CNGB1: variants seen among roughly 807,000 people sequenced by gnomAD.
CNGB1 encodes the protein cyclic nucleotide-gated channel beta-1.
A neutral mutation model predicts 151.7 loss-of-function variants in CNGB1; 126 were observed. That is an observed-to-expected ratio of 0.83 (90% CI 0.72 to 0.96). The LOEUF (loss-of-function observed/expected upper bound fraction) is 0.96. Ranked by LOEUF, CNGB1 falls within the 40% of genes least tolerant of loss-of-function variation. CNGB1 has a pLI of 0.00. For missense variants in CNGB1, 1,698 were observed against 1,627.0 expected (o/e 1.04, Z -0.75); for synonymous variants, 623 against 635.1 (o/e 0.98, Z 0.29).
intron 23 of CNGB1, among the ~76,000 whole-genome samples, chr16:57,914,408 A>T (rs1960807995): frequency 6.6e-6 from 1 of 152,208 alleles, no homozygotes; most frequent in Non-Finnish European, 1.5e-5. Flanking sequence ...GATTCCACAT[A>T]GGTGTGCTTT....
chr16:57,884,110 G>C lies in CNGB1; in HGVS notation c.*54C>G. The C allele has an allele frequency of 3.7e-6, 6 of 1,610,456 alleles. No individual in the cohort carries two copies. The highest frequency in any genetic ancestry group is 5.1e-6 in the Non-Finnish European group (6 of 1,176,986). ...GGGCGCTGGGGCGCAGGGGCGCAGC[G>C]GGCGCTGGGGACACACCTGCTGGAA... On this transcript the variant is annotated 3_prime_UTR_variant, in exon 33 of 33. Coordinates refer to ENST00000251102, the MANE Select transcript of CNGB1 (RefSeq NM_001297.5).
intron 14 of CNGB1, among the ~76,000 whole-genome samples, chr16:57,942,787 T>C (rs1332577416): frequency 1.3e-5 from 2 of 149,930 alleles, no homozygotes; most frequent in South Asian, 2.1e-4. Context: ...TGCTTGAGCC[T>C]GGGAGGTGGA....
intron 25 of CNGB1, among the ~76,000 whole-genome samples, chr16:57,907,809 A>G (rs971116632): frequency 6.6e-6 from 1 of 152,200 alleles, no homozygotes; most frequent in Non-Finnish European, 1.5e-5. Context: ...GTGGGGAAGC[A>G]TTAGATCTTG....
chr16:57,894,608 A>G (rs1960175102), intron 31 of CNGB1, among the ~76,000 whole-genome samples: 1 of 152,198 alleles, frequency 6.6e-6, no homozygotes, highest in Non-Finnish European at 1.5e-5. Context: ...CTCAAAAAAG[A>G]AAAAAAGAAA....
intron 12 of CNGB1, chr16:57,954,758 G>T (rs1450765722): frequency 1.0e-6 from 1 of 969,682 alleles, no homozygotes; most frequent in East Asian, 1.1e-4. Context: ...TGGAAGGAGA[G>T]AGTGTGGCCA....
intron 31 of CNGB1, among the ~76,000 whole-genome samples, chr16:57,896,195 T>G (rs1435434594): frequency 8.5e-5 from 13 of 152,176 alleles, no homozygotes; most frequent in African/African-American, 3.1e-4. Flanking sequence ...CACTAATTAC[T>G]TAGGAATTAG....
At chr16:57,896,493 T>G (rs1960229234) in intron 31 of CNGB1, among the ~76,000 whole-genome samples, 2 of 151,626 alleles carry the variant, frequency 1.3e-5, no homozygotes, top group African/African-American at 4.9e-5. Context: ...GGGGGGTGGA[T>G]CACGATGTCA....
chr16:57,911,838 G>T lies in CNGB1; in HGVS notation c.2407C>A (p.His803Asn). 6.2e-7 allele frequency: 1 copy of T among 1,614,038 alleles called. No individual in the cohort carries two copies. Among genetic ancestry groups the T allele is most frequent in the Non-Finnish European group, 8.5e-7 (1 of 1,179,924 alleles). The change falls in exon 25 of 33, where the codon CAT becomes AAT. Residue 803 changes from histidine to asparagine, a missense_variant. By Grantham distance (68) the His-to-Asn change is moderately conservative. Coordinates refer to ENST00000251102, the MANE Select transcript of CNGB1 (RefSeq NM_001297.5). ...CAGTAATAAAGACAGGAATTCAAATGCAGGCTGTAGAGAAGGTAGGCTGTG... is the reference window on the plus strand; with the variant it reads ...CAGTAATAAAGACAGGAATTCAAATTCAGGCTGTAGAGAAGGTAGGCTGTG... Reference protein sequence around the residue: ...RTTAYLLYSLHLNSCLYYWAS... With the variant: ...RTTAYLLYSLNLNSCLYYWAS...
chr16:57,920,864 A>G (rs549031768), intron 18 of CNGB1, among the ~76,000 whole-genome samples: 11 of 152,310 alleles, frequency 7.2e-5, no homozygotes, highest in Non-Finnish European at 1.3e-4. Context: ...CTCAGTTTAG[A>G]GTTCAGCAAA....
rs1961310761 is a variant in CNGB1 at position 57,930,334 on chromosome 16, C to T, written c.1535+1382G>A. 2.6e-5 allele frequency among the ~76,000 whole-genome samples: 4 copies of T among 151,858 alleles called. No homozygotes were observed. The South Asian group carries it at 8.3e-4, about 32-fold the overall frequency. ...GCAACAAACTAAGACCCCATCTCTA[C>T]AAAAAATAAAAAATTAGCTGGGTGG... On this transcript the variant is annotated intron_variant, in intron 17 of 32. Transcript: ENST00000251102.
In CNGB1 at chr16:57,940,318, C is replaced by T. The variant is rs757074892; in HGVS notation, c.1125G>A (p.Val375=). ...EEEEEEEVTE[V]LLDSCVVSQV... ...GCGACACCACACAGCTATCCAGCAG[C>T]ACCCTGTGACCCGGGGCGGGGTGGG... Residue 375 remains valine, a synonymous_variant, in exon 15 of 33, where the codon GTG becomes GTA. Coordinates refer to ENST00000251102, the MANE Select transcript of CNGB1 (RefSeq NM_001297.5). The T allele has an allele frequency of 1.3e-4, 207 of 1,579,578 alleles. 1 individual carries two copies. In the South Asian group the frequency reaches 2.4e-3, roughly 18 times the overall value.
At chr16:57,943,918 C>T (rs149409016) in intron 14 of CNGB1, among the ~76,000 whole-genome samples, 11 of 151,888 alleles carry the variant, frequency 7.2e-5, no homozygotes, top group African/African-American at 1.4e-4. Context: ...GACAGAGTCT[C>T]GCTGTGTTGC....
intron 18 of CNGB1, among the ~76,000 whole-genome samples, chr16:57,922,097 C>T (rs1244716714): frequency 3.9e-5 from 6 of 152,186 alleles, no homozygotes; most frequent in African/African-American, 1.2e-4. Flanking sequence ...GGCAACTGGA[C>T]TGAGGGTGGG....
chr16:57,919,331 G>T, intron 19 of CNGB1, 77 bp from the exon 20 acceptor site: 1 of 1,610,870 alleles, frequency 6.2e-7, no homozygotes, highest in Non-Finnish European at 8.5e-7. Flanking sequence ...GGTCCCAACT[G>T]CAGACCTTGG....
At chr16:57,945,867 A>T (rs1961793700) in intron 14 of CNGB1, among the ~76,000 whole-genome samples, 1 of 152,254 alleles carries the variant, frequency 6.6e-6, no homozygotes, top group African/African-American at 2.4e-5. Context: ...TTAATCCCAG[A>T]GGAGGCGGTG....
At chr16:57,957,491 T>G (rs1251998903) in intron 11 of CNGB1, 114 bp from the exon 12 acceptor site, 2 of 853,182 alleles carry the variant, frequency 2.3e-6, no homozygotes, top group African/African-American at 1.6e-5. Flanking sequence ...GCCTTAGTTG[T>G]CCCATGGGAT....
chr16:57,955,046 G>A, intron 12 of CNGB1: 1 of 1,281,138 alleles, frequency 7.8e-7, no homozygotes, highest in Middle Eastern at 3.1e-4. Context: ...ACCACGCCCG[G>A]CTATGGGCCT....
intron 31 of CNGB1, among the ~76,000 whole-genome samples, chr16:57,890,813 G>A (rs1453494854): frequency 6.6e-5 from 10 of 152,212 alleles, no homozygotes; most frequent in African/African-American, 2.4e-4. Flanking sequence ...CCCCTGATGA[G>A]CAGAGCTCAT....
At position 57,947,623 on chromosome 16, in the gene CNGB1, A is replaced by C. The variant is rs1038994419; in HGVS notation, c.1121+1730T>G. On this transcript the variant is annotated intron_variant, in intron 14 of 32. Coordinates refer to ENST00000251102, the MANE Select transcript of CNGB1 (RefSeq NM_001297.5). The stretch of plus-strand genomic sequence containing the variant: ...GAGCTCCCCGTCATTGGAGGTAAGC[A>C]AGTAGAGGCTGTGTGGCCTCCTGTC... Among the ~76,000 whole-genome samples, 3 of 152,302 alleles carry C rather than the reference A, an allele frequency of 2.0e-5. No homozygotes were observed. In the South Asian group the frequency reaches 6.2e-4, roughly 32 times the overall value.
Sources: gnomAD v4.1 joint callset for allele counts (sites outside exome capture counted in the v4.1 genomes callset) on GRCh38, gnomAD v4.1.1 for gene constraint, MANE v1.5 for transcripts, NCBI Gene and HGNC (gene_info 2026-07-23, HGNC 2026-07-21) for gene names.